TRHDE: variants seen among roughly 807,000 people sequenced by gnomAD.
TRHDE encodes the protein thyrotropin-releasing hormone-degrading ectoenzyme.
A neutral mutation model predicts 125.7 loss-of-function variants in TRHDE; 72 were observed. That is an observed-to-expected ratio of 0.57 (90% CI 0.47 to 0.70). TRHDE has a LOEUF of 0.70. TRHDE is among the 30% of genes least tolerant of loss of function. The pLI, the probability that TRHDE is intolerant of heterozygous loss-of-function variation, is 0.00. For synonymous variants in TRHDE, 509 were observed against 509.1 expected (o/e 1.00, Z 0.00); for missense variants, 1,110 against 1,327.1 (o/e 0.84, Z 2.54).
At chr12:72,166,838 G>C (rs537869207) in intron 2 of TRHDE, among the ~76,000 whole-genome samples, 1 of 151,996 alleles carries the variant, frequency 6.6e-6, no homozygotes, top group African/African-American at 2.4e-5. Context: ...TCCTCCCAAT[G>C]GGCAGAACAT....
At chr12:72,552,651 G>A (rs186274821) in intron 7 of TRHDE, among the ~76,000 whole-genome samples, 113 of 152,270 alleles carry the variant, frequency 7.4e-4, no homozygotes, top group Non-Finnish European at 9.3e-4. Flanking sequence ...GAAGGGTAAC[G>A]ACTGTAAACT....
chr12:72,104,756 C>T (rs1875144834), intron 1 of TRHDE, among the ~76,000 whole-genome samples: 1 of 152,168 alleles, frequency 6.6e-6, no homozygotes, highest in African/African-American at 2.4e-5. Flanking sequence ...ACACTATTAA[C>T]AGTTAAACAA....
At chr12:72,538,417 A>G (rs1419986989) in intron 6 of TRHDE, among the ~76,000 whole-genome samples, 1 of 152,000 alleles carries the variant, frequency 6.6e-6, no homozygotes, top group African/African-American at 2.4e-5. Context: ...GTTGATTTCA[A>G]TGGATATTTG....
chr12:72,157,312 T>C (rs1044981581), intron 2 of TRHDE, among the ~76,000 whole-genome samples: 1 of 152,166 alleles, frequency 6.6e-6, no homozygotes, highest in Admixed American at 6.5e-5. Context: ...TGCTTCTAAA[T>C]ATAATGGGAA....
chr12:72,441,624 A>G (rs1010183678), intron 3 of TRHDE, among the ~76,000 whole-genome samples: 11 of 151,908 alleles, frequency 7.2e-5, no homozygotes, highest in Non-Finnish European at 1.5e-4. Context: ...ATCATAAAAT[A>G]TAAGTAATAT....
intron 12 of TRHDE, among the ~76,000 whole-genome samples, chr12:72,592,287 C>T (rs935520807): frequency 1.3e-5 from 2 of 151,970 alleles, no homozygotes; most frequent in African/African-American, 4.8e-5. Context: ...CTTGAATTTC[C>T]ATTTGGTTAT....
intron 2 of TRHDE, among the ~76,000 whole-genome samples, chr12:72,206,718 G>A (rs1877673676): frequency 6.6e-6 from 1 of 151,748 alleles, no homozygotes; most frequent in Admixed American, 6.6e-5. Context: ...TTCTATTACT[G>A]TTCCAAAATG....
intron 7 of TRHDE, among the ~76,000 whole-genome samples, chr12:72,550,656 TTTAC>T (rs2135997101): frequency 6.6e-6 from 1 of 152,050 alleles, no homozygotes. Flanking sequence ...TTTGTGAGCA[TTTAC>T]TTTGGTGTCT....
intron 3 of TRHDE, among the ~76,000 whole-genome samples, chr12:72,437,669 A>T (rs996068987): frequency 6.6e-6 from 1 of 151,862 alleles, no homozygotes; most frequent in Non-Finnish European, 1.5e-5. Flanking sequence ...AAAAATTGAC[A>T]TGCAATTGCA....
intron 2 of TRHDE, among the ~76,000 whole-genome samples, chr12:72,123,597 A>AT (rs1875642728): frequency 6.6e-6 from 1 of 151,984 alleles, no homozygotes; most frequent in African/African-American, 2.4e-5. Context: ...TCATAATGAG[A>AT]TTTTTTATAA....
intron 2 of TRHDE, among the ~76,000 whole-genome samples, chr12:72,205,972 C>G (rs677554): frequency 6.6e-6 from 1 of 151,954 alleles, no homozygotes; most frequent in Non-Finnish European, 1.5e-5. Context: ...CCCACGAATA[C>G]TGCACAAGGG....
At chr12:72,362,295 G>A (rs965312624) in intron 2 of TRHDE, among the ~76,000 whole-genome samples, 16 of 150,540 alleles carry the variant, frequency 1.1e-4, no homozygotes, top group South Asian at 2.1e-4. Context: ...GTTTTCATTC[G>A]CATTTCTCTG....
intron 2 of TRHDE, among the ~76,000 whole-genome samples, chr12:72,154,704 G>C (rs1326892513): frequency 1.3e-5 from 2 of 152,190 alleles, no homozygotes; most frequent in East Asian, 3.9e-4. Context: ...TTTTCTTTAA[G>C]AATGTTGAAT....
At chr12:72,568,055 T>C (rs1370387713) in intron 9 of TRHDE, among the ~76,000 whole-genome samples, 3 of 151,390 alleles carry the variant, frequency 2.0e-5, no homozygotes, top group Non-Finnish European at 3.0e-5. Context: ...ATCTGACTAG[T>C]TTTTTTTTCT....
At chr12:72,338,312 G>A (rs777039721) in intron 2 of TRHDE, among the ~76,000 whole-genome samples, 7 of 152,100 alleles carry the variant, frequency 4.6e-5, no homozygotes, top group East Asian at 1.9e-4. Flanking sequence ...GTTATGTCAC[G>A]GTTAGGGTTG....
chr12:72,172,787 C>G (rs1171517862), intron 2 of TRHDE, among the ~76,000 whole-genome samples: 1 of 152,178 alleles, frequency 6.6e-6, no homozygotes, highest in Admixed American at 6.5e-5. Context: ...AATATGCTTA[C>G]TAGAAGCTGC....
At chr12:72,148,699 C>T (rs557836342) in intron 2 of TRHDE, among the ~76,000 whole-genome samples, 1 of 152,294 alleles carries the variant, frequency 6.6e-6, no homozygotes, top group East Asian at 1.9e-4. Flanking sequence ...TCATGGTGCC[C>T]TTAGGAATCG....
chr12:72,582,609 A>G, intron 12 of TRHDE: 1 of 985,434 alleles, frequency 1.0e-6, no homozygotes, highest in Admixed American at 6.1e-5. Context: ...CCCTGGCTAG[A>G]TGAGTAGCAG....
intron 12 of TRHDE, among the ~76,000 whole-genome samples, chr12:72,590,268 A>T (rs535262004): frequency 2.2e-4 from 34 of 152,080 alleles, no homozygotes; most frequent in South Asian, 1.5e-3. Context: ...GTCTTGTTTT[A>T]TGGCCCAGAT....
Sources: gnomAD v4.1 joint callset for allele counts (sites outside exome capture counted in the v4.1 genomes callset) on GRCh38, gnomAD v4.1.1 for gene constraint, MANE v1.5 for transcripts, NCBI Gene and HGNC (gene_info 2026-07-23, HGNC 2026-07-21) for gene names.